Variants in ATP8A2 observed in about 807,000 individuals in gnomAD.
The protein encoded by ATP8A2 is ATPase phospholipid transporting 8A2.
A neutral mutation model predicts 165.6 loss-of-function variants in ATP8A2; 100 were observed. The observed-to-expected ratio is 0.60, with a 90% CI of 0.51 to 0.71. The LOEUF is 0.71. Ranked by LOEUF, ATP8A2 falls within the 30% of genes least tolerant of loss-of-function variation. The pLI is 0.00. For synonymous variants in ATP8A2, 543 were observed against 548.8 expected, an observed-to-expected ratio of 0.99 and a Z score of 0.15; for missense variants, 1,227 against 1,479.5, an observed-to-expected ratio of 0.83 and a Z score of 2.80.
intron 35 of ATP8A2, among the ~76,000 whole-genome samples, chr13:25,978,262 C>T (rs925428603): frequency 2.0e-5 from 3 of 152,120 alleles, no homozygotes; most frequent in African/African-American, 7.2e-5. Flanking sequence ...ACATTCCAGG[C>T]GGGGATTAGT....
chr13:25,484,287 A>G (rs564137687), intron 2 of ATP8A2, among the ~76,000 whole-genome samples: 2 of 152,298 alleles, frequency 1.3e-5, no homozygotes, highest in African/African-American at 4.8e-5. Flanking sequence ...CTTGGTCCAC[A>G]TGTATGACTA....
chr13:25,447,652 T>C (rs2035106303), intron 1 of ATP8A2, among the ~76,000 whole-genome samples: 1 of 152,200 alleles, frequency 6.6e-6, no homozygotes, highest in South Asian at 2.1e-4. Context: ...GCATTTGCTG[T>C]CCACAGATGG....
At chr13:25,973,479 A>G (rs1955958557) in intron 35 of ATP8A2, among the ~76,000 whole-genome samples, 1 of 152,098 alleles carries the variant, frequency 6.6e-6, no homozygotes, top group Admixed American at 6.5e-5. Context: ...ATAGGAACAG[A>G]GCCTGAACCA....
At chr13:25,904,166 C>T (rs896078345) in intron 33 of ATP8A2, among the ~76,000 whole-genome samples, 3 of 152,334 alleles carry the variant, frequency 2.0e-5, no homozygotes, top group South Asian at 2.1e-4. Flanking sequence ...TCATAGCACA[C>T]TCAAAAAGTT....
At chr13:25,498,649 TC>T (rs2036754089) in intron 2 of ATP8A2, among the ~76,000 whole-genome samples, 1 of 152,044 alleles carries the variant, frequency 6.6e-6, no homozygotes, top group Non-Finnish European at 1.5e-5. Flanking sequence ...GAAAAGTTTT[TC>T]TAACACCCTG....
chr13:25,777,029 GA>G (rs2044758934), intron 27 of ATP8A2, among the ~76,000 whole-genome samples: 1 of 151,902 alleles, frequency 6.6e-6, no homozygotes, highest in Non-Finnish European at 1.5e-5. Flanking sequence ...TAGTCTGCCT[GA>G]AAAATTCTAT....
chr13:25,634,373 T>A (rs1238334671), intron 24 of ATP8A2, among the ~76,000 whole-genome samples: 2 of 152,186 alleles, frequency 1.3e-5, no homozygotes, highest in African/African-American at 4.8e-5. Context: ...TACTAGCCTT[T>A]AAAATGGTGA....
At chr13:25,526,645 G>C (rs1248872607) in intron 2 of ATP8A2, among the ~76,000 whole-genome samples, 1 of 152,196 alleles carries the variant, frequency 6.6e-6, no homozygotes, top group Non-Finnish European at 1.5e-5. Context: ...TGAATTAGGG[G>C]TTTGTGCTCA....
chr13:25,904,273 C>T (rs1953861676), intron 33 of ATP8A2, among the ~76,000 whole-genome samples: 1 of 152,174 alleles, frequency 6.6e-6, no homozygotes. Context: ...GGAGTCTGAT[C>T]CAAGAGATGA....
At chr13:25,659,177 G>C (rs917227406) in intron 24 of ATP8A2, among the ~76,000 whole-genome samples, 1 of 152,146 alleles carries the variant, frequency 6.6e-6, no homozygotes, top group African/African-American at 2.4e-5. Flanking sequence ...CTTGCAAACG[G>C]TCGTTTGATT....
intron 15 of ATP8A2, among the ~76,000 whole-genome samples, chr13:25,561,895 G>A (rs978737945): frequency 3.3e-5 from 5 of 152,156 alleles, no homozygotes; most frequent in South Asian, 2.1e-4. Context: ...TGTGTTTGGC[G>A]TATTTCCCTT....
chr13:25,580,913 C>G (rs1180916581), intron 22 of ATP8A2, among the ~76,000 whole-genome samples: 1 of 152,066 alleles, frequency 6.6e-6, no homozygotes. Flanking sequence ...AAATTCTCCT[C>G]TGCTTTTTTT....
chr13:25,624,487 G>A (rs1354006643), intron 24 of ATP8A2, among the ~76,000 whole-genome samples: 1 of 152,070 alleles, frequency 6.6e-6, no homozygotes, highest in African/African-American at 2.4e-5. Context: ...AAGTTGTTAG[G>A]TGGCCCAGTT....
chr13:25,461,260 G>T (rs561069683), intron 1 of ATP8A2, among the ~76,000 whole-genome samples: 68 of 152,274 alleles, frequency 4.5e-4, no homozygotes, highest in African/African-American at 1.6e-3. Flanking sequence ...TCTTGAAAAG[G>T]CCTTCGAAAT....
chr13:25,739,862 G>A (rs904537295), intron 25 of ATP8A2, among the ~76,000 whole-genome samples: 5 of 152,108 alleles, frequency 3.3e-5, no homozygotes, highest in Admixed American at 6.5e-5. Context: ...ACACTAATGC[G>A]GCTGGGAAAA....
At chr13:25,964,221 G>C (rs1955725060) in intron 34 of ATP8A2, among the ~76,000 whole-genome samples, 1 of 152,190 alleles carries the variant, frequency 6.6e-6, no homozygotes, top group Non-Finnish European at 1.5e-5. Flanking sequence ...GTTTTATTTA[G>C]GGGAGCAGGG....
intron 27 of ATP8A2, among the ~76,000 whole-genome samples, chr13:25,827,253 A>C (rs919217308): frequency 6.6e-6 from 1 of 152,106 alleles, no homozygotes; most frequent in African/African-American, 2.4e-5. Flanking sequence ...CTGGGATTAC[A>C]GGTGCGTGCC....
At position 25,690,715 on chromosome 13, in the gene ATP8A2, T is replaced by C. The variant is rs1157760601; in HGVS notation, c.2212-8458T>C. 5.3e-5 allele frequency among the ~76,000 whole-genome samples: 8 copies of C among 152,288 alleles called. No homozygotes were observed. The East Asian group carries it at 1.2e-3, about 22-fold the overall frequency. On this transcript the variant is annotated intron_variant, in intron 24 of 36. Coordinates refer to ENST00000381655, the MANE Select transcript of ATP8A2 (RefSeq NM_016529.6). ...GAAGAATAGTGGCAGAGCTCACCTGTGAGCTCACCTGGGAACCCACAGTGA... is the reference window on the plus strand; with the variant it reads ...GAAGAATAGTGGCAGAGCTCACCTGCGAGCTCACCTGGGAACCCACAGTGA...
chr13:25,422,698 G>T (rs1027960383), intron 1 of ATP8A2, among the ~76,000 whole-genome samples: 2 of 152,190 alleles, frequency 1.3e-5, no homozygotes, highest in Non-Finnish European at 2.9e-5. Context: ...GAATGTACAT[G>T]CCATAGTGAA....
Sources: allele counts gnomAD v4.1 joint callset (sites outside exome capture counted in the v4.1 genomes callset), GRCh38; gene constraint gnomAD v4.1.1; transcripts MANE v1.5; gene names NCBI Gene and HGNC (gene_info 2026-07-23, HGNC 2026-07-21).